Variants in LARGE1 observed in about 807,000 individuals in gnomAD.
The protein encoded by LARGE1 is LARGE xylosyl- and glucuronyltransferase 1.
A neutral mutation model predicts 87.6 loss-of-function variants in LARGE1; 43 were observed. The ratio of observed to expected loss-of-function variants is 0.49; its 90% CI spans 0.38 to 0.63. The LOEUF is 0.63. LARGE1 is among the 30% of genes least tolerant of loss of function. The probability of loss-of-function intolerance (pLI) is 0.00; values close to 1 mark genes in which losing one functional copy is unlikely to be tolerated. For missense variants in LARGE1, 802 were observed against 1,000.2 expected, an observed-to-expected ratio of 0.80 and a Z score of 2.67; for synonymous variants, 434 against 394.6, an observed-to-expected ratio of 1.10 and a Z score of -1.18.
In LARGE1 at chr22:33,533,813, T is replaced by A. The variant is rs532997256; in HGVS notation, c.787+31035A>T. Among the ~76,000 whole-genome samples, 8 of 151,992 alleles carry A rather than the reference T, an allele frequency of 5.3e-5. No individual in the cohort carries two copies. In the South Asian group the frequency reaches 1.4e-3, roughly 28 times the overall value. On this transcript the variant is annotated intron_variant, in intron 6 of 14. Coordinates refer to ENST00000397394, the MANE Select transcript of LARGE1 (RefSeq NM_133642.5). ...CCTTGTTTTTCAAAGCTGCCTTTTTTAAAAAAAATGTAGGATCTTGTTCAT... is the reference window on the plus strand; with the variant it reads ...CCTTGTTTTTCAAAGCTGCCTTTTTAAAAAAAAATGTAGGATCTTGTTCAT...
chr22:33,309,472 G>A (rs1461353245), intron 11 of LARGE1, among the ~76,000 whole-genome samples: 1 of 152,060 alleles, frequency 6.6e-6, no homozygotes, highest in Non-Finnish European at 1.5e-5. Context: ...TAGCCTTCAT[G>A]CCCTTTTAAG....
At chr22:33,343,011 C>G (rs767843371) in intron 9 of LARGE1, among the ~76,000 whole-genome samples, 9 of 151,856 alleles carry the variant, frequency 5.9e-5, no homozygotes, top group Admixed American at 4.6e-4. Flanking sequence ...AAAGTACTTG[C>G]GGTTTTCGCC....
At chr22:33,318,343 G>A (rs1040882236) in intron 10 of LARGE1, among the ~76,000 whole-genome samples, 33 of 152,228 alleles carry the variant, frequency 2.2e-4, no homozygotes, top group African/African-American at 6.7e-4. Flanking sequence ...TCCCACCTAT[G>A]AGTGAGAACA....
intron 6 of LARGE1, among the ~76,000 whole-genome samples, chr22:33,465,420 T>C (rs2068565531): frequency 6.6e-6 from 1 of 152,210 alleles, no homozygotes; most frequent in Admixed American, 6.5e-5. Flanking sequence ...ATGTTAGGTT[T>C]ATTACTCTTT....
At chr22:33,421,975 A>G (rs1352919715) in intron 7 of LARGE1, among the ~76,000 whole-genome samples, 1 of 152,264 alleles carries the variant, frequency 6.6e-6, no homozygotes, top group African/African-American at 2.4e-5. Flanking sequence ...GGTTAAGTGG[A>G]GAGAAGTAGC....
At chr22:33,698,836 C>G (rs150082703) in intron 2 of LARGE1, among the ~76,000 whole-genome samples, 3 of 152,326 alleles carry the variant, frequency 2.0e-5, no homozygotes, top group Non-Finnish European at 4.4e-5. Flanking sequence ...TGCACCCTGA[C>G]TTCACTCTAG....
intron 6 of LARGE1, among the ~76,000 whole-genome samples, chr22:33,451,875 T>C (rs997713755): frequency 2.0e-5 from 3 of 152,170 alleles, no homozygotes; most frequent in African/African-American, 4.8e-5. Flanking sequence ...CTCATTCTTA[T>C]GCCTTTGCAT....
At chr22:33,417,434 T>C (rs914608340) in intron 7 of LARGE1, among the ~76,000 whole-genome samples, 1 of 152,198 alleles carries the variant, frequency 6.6e-6, no homozygotes, top group Non-Finnish European at 1.5e-5. Flanking sequence ...CAAATATTTA[T>C]TGAGAGCTTT....
chr22:33,818,461 A>C (rs5754696), intron 1 of LARGE1, among the ~76,000 whole-genome samples: 6 of 152,038 alleles, frequency 3.9e-5, no homozygotes, highest in African/African-American at 1.2e-4. Context: ...AGAAAAGAGG[A>C]GGGGAGGAAG....
intron 2 of LARGE1, among the ~76,000 whole-genome samples, chr22:33,706,339 G>A (rs1032331807): frequency 5.3e-5 from 8 of 152,190 alleles, no homozygotes; most frequent in African/African-American, 1.9e-4. Context: ...GACCTCGTCA[G>A]GGCCTGAGAA....
chr22:33,697,549 C>CCAAAA (rs746642240), intron 2 of LARGE1, among the ~76,000 whole-genome samples: 8 of 54,094 alleles, frequency 1.5e-4, no homozygotes, highest in Non-Finnish European at 2.4e-4. Context: ...GACTCTGTCC[C>CCAAAA]AAAAAAAAAA....
chr22:33,667,837 C>T (rs2081309902), intron 2 of LARGE1, among the ~76,000 whole-genome samples: 1 of 152,232 alleles, frequency 6.6e-6, no homozygotes, highest in Non-Finnish European at 1.5e-5. Flanking sequence ...TCTATAAGGA[C>T]ATGCCCGCTG....
In LARGE1 at chr22:33,673,206, C is replaced by A. The variant is rs752668774; in HGVS notation, c.107-22538G>T. ...AGGAGAATTGCTTGAACCTGAGAGACGGAGGTTGCAGGGAGCAGAGATCAT... is the reference window on the plus strand; with the variant it reads ...AGGAGAATTGCTTGAACCTGAGAGAAGGAGGTTGCAGGGAGCAGAGATCAT... On this transcript the variant is annotated intron_variant, in intron 2 of 14. Transcript: ENST00000397394. 5.3e-5 allele frequency among the ~76,000 whole-genome samples: 8 copies of A among 152,262 alleles called. No individual in the cohort carries two copies. In the South Asian group the frequency reaches 1.0e-3, roughly 20 times the overall value.
At chr22:33,806,853 T>G (rs897572610) in intron 1 of LARGE1, among the ~76,000 whole-genome samples, 3 of 151,890 alleles carry the variant, frequency 2.0e-5, no homozygotes, top group Non-Finnish European at 4.4e-5. Context: ...CTAGTAAAAA[T>G]ACAAAAATTA....
At chr22:33,120,478 CTCCT>C in the LARGE1 span, among the ~76,000 whole-genome samples, 1 of 142,572 alleles carries the variant, frequency 7.0e-6, no homozygotes, top group African/African-American at 2.6e-5. Flanking sequence ...CTTTCTTTCT[CTCCT>C]TCCTTCCTTT....
At chr22:33,405,011 G>A (rs939888045) in intron 7 of LARGE1, among the ~76,000 whole-genome samples, 1 of 152,206 alleles carries the variant, frequency 6.6e-6, no homozygotes, top group Non-Finnish European at 1.5e-5. Flanking sequence ...TGGGGAAGAG[G>A]AGCATAAAGG....
At chr22:33,246,938 A>G (rs896727068) in intron 11 of LARGE1, among the ~76,000 whole-genome samples, 1 of 152,230 alleles carries the variant, frequency 6.6e-6, no homozygotes, top group African/African-American at 2.4e-5. Context: ...AATTTTTTCT[A>G]GCATTTTATT....
At chr22:33,617,540 A>G (rs900975326) in intron 4 of LARGE1, among the ~76,000 whole-genome samples, 1 of 152,222 alleles carries the variant, frequency 6.6e-6, no homozygotes, top group African/African-American at 2.4e-5. Context: ...ATATTTGTAT[A>G]ACATCTAAAA....
At chr22:33,833,485 C>A (rs1294664775) in intron 1 of LARGE1, among the ~76,000 whole-genome samples, 1 of 152,142 alleles carries the variant, frequency 6.6e-6, no homozygotes, top group African/African-American at 2.4e-5. Flanking sequence ...CAGCCTTCCA[C>A]AAGCCAAGGA....
Sources: gnomAD v4.1 joint callset for allele counts (sites outside exome capture counted in the v4.1 genomes callset) on GRCh38, gnomAD v4.1.1 for gene constraint, MANE v1.5 for transcripts, NCBI Gene and HGNC (gene_info 2026-07-23, HGNC 2026-07-21) for gene names.